SPRED1: variants seen among roughly 807,000 people sequenced by gnomAD.
The protein encoded by SPRED1 is sprouty related EVH1 domain containing 1.
SPRED1 carries 18 observed loss-of-function variants against 52.3 expected under a neutral mutation model. That is an observed-to-expected ratio of 0.34 (90% CI 0.24 to 0.51). The LOEUF (loss-of-function observed/expected upper bound fraction) is 0.51. Ranked by LOEUF, SPRED1 falls within the 20% of genes least tolerant of loss-of-function variation. The probability of loss-of-function intolerance (pLI) is 0.97; values close to 1 mark genes in which losing one functional copy is unlikely to be tolerated. For synonymous variants in SPRED1, 155 were observed against 179.7 expected, an observed-to-expected ratio of 0.86 and a Z score of 1.10; for missense variants, 485 against 551.0, an observed-to-expected ratio of 0.88 and a Z score of 1.20.
At chr15:38,339,714 G>A (rs1895991838) in intron 4 of SPRED1, 23 bp from the exon 5 acceptor site, 1 of 1,611,652 alleles carries the variant, frequency 6.2e-7, no homozygotes, top group African/African-American at 1.3e-5. Flanking sequence ...GGCAACTAAT[G>A]CATTGAGGGT....
At chr15:38,275,072 TG>T (rs1421693151) in intron 1 of SPRED1, among the ~76,000 whole-genome samples, 1 of 152,268 alleles carries the variant, frequency 6.6e-6, no homozygotes, top group African/African-American at 2.4e-5. Flanking sequence ...CATCTGCTGA[TG>T]ATTCTTGCCT....
At chr15:38,267,217 A>G (rs16966584) in intron 1 of SPRED1, among the ~76,000 whole-genome samples, 6,306 of 135,908 alleles carry the variant, frequency 0.046, 445 homozygotes, top group African/African-American at 0.16. Flanking sequence ...TTAGGCGTAT[A>G]TCTAGTTTTT....
intron 1 of SPRED1, among the ~76,000 whole-genome samples, chr15:38,281,568 T>TC (rs1207363779): frequency 2.1e-5 from 3 of 144,916 alleles, no homozygotes; most frequent in East Asian, 4.1e-4. Context: ...AATTTTTTTT[T>TC]TTTTTTTTTT....
chr15:38,297,468 C>T (rs1209364561), intron 1 of SPRED1, among the ~76,000 whole-genome samples: 1 of 152,194 alleles, frequency 6.6e-6, no homozygotes, highest in African/African-American at 2.4e-5. Flanking sequence ...TCAACCCAAC[C>T]TTCATGCACC....
chr15:38,268,149 A>G (rs1314097681), intron 1 of SPRED1: 4 of 152,222 alleles, frequency 2.6e-5, no homozygotes, highest in Non-Finnish European at 5.9e-5. Context: ...CAATGATGTA[A>G]TAACATTTGC....
intron 4 of SPRED1, among the ~76,000 whole-genome samples, chr15:38,331,699 T>G (rs1292313617): frequency 1.3e-5 from 2 of 152,098 alleles, no homozygotes; most frequent in Admixed American, 1.3e-4. Context: ...TGAACATCCC[T>G]AATATAAAAA....
intron 2 of SPRED1, among the ~76,000 whole-genome samples, chr15:38,313,167 T>A (rs1895404078): frequency 6.6e-6 from 1 of 152,068 alleles, no homozygotes; most frequent in African/African-American, 2.4e-5. Context: ...TTTATCATAT[T>A]TAGGAAATTA....
chr15:38,326,926 AT>A (rs1895718372), intron 4 of SPRED1, among the ~76,000 whole-genome samples: 1 of 152,148 alleles, frequency 6.6e-6, no homozygotes, highest in African/African-American at 2.4e-5. Flanking sequence ...AACTTCTAAC[AT>A]TGCCACCTTG....
chr15:38,345,899 C>T (rs1044705406), intron 5 of SPRED1, among the ~76,000 whole-genome samples: 1 of 152,090 alleles, frequency 6.6e-6, no homozygotes, highest in Admixed American at 6.5e-5. Flanking sequence ...AACAAAAGGC[C>T]GATAGTGCAT....
At position 38,346,625 on chromosome 15, in the gene SPRED1, G is replaced by A. The variant is rs1008395332; in HGVS notation, c.583-2797G>A. 2.5e-4 allele frequency among the ~76,000 whole-genome samples: 38 copies of A among 152,108 alleles called. 1 individual carries two copies. Among genetic ancestry groups the A allele is most frequent in the African/African-American group, 4.8e-5 (2 of 41,426 alleles). Reference sequence around the variant, plus strand: ...TAACATTCTCATGCTTTCCTTGATAGTTCTAAAACTTGTTTCTTTTTATTC... The same window carrying A: ...TAACATTCTCATGCTTTCCTTGATAATTCTAAAACTTGTTTCTTTTTATTC... On this transcript the variant is annotated intron_variant, in intron 5 of 6. Transcript: ENST00000299084.
At position 38,353,915 on chromosome 15, in the gene SPRED1, G is replaced by A. The variant is rs1045444732; in HGVS notation, c.*2251G>A. On this transcript the variant is annotated 3_prime_UTR_variant, in exon 7 of 7. Coordinates refer to ENST00000299084, the MANE Select transcript of SPRED1 (RefSeq NM_152594.3). ...ACTGTATTTTATATGCAACATATAT[G>A]CTTTAATATTTTAATGTTTGTGCAT... 2.0e-5 allele frequency: 3 copies of A among 152,520 alleles called. No homozygotes were observed. Among genetic ancestry groups the A allele is most frequent in the Non-Finnish European group, 1.5e-5 (1 of 67,972 alleles). 9.4% of individuals were successfully genotyped at this position (152,520 alleles called of 1,614,324 possible).
chr15:38,283,693 C>A (rs967269072), intron 1 of SPRED1, among the ~76,000 whole-genome samples: 5 of 152,124 alleles, frequency 3.3e-5, no homozygotes, highest in Admixed American at 6.5e-5. Context: ...AGAACTAGAA[C>A]AGCAGGGGTT....
In SPRED1 at chr15:38,349,537, G is replaced by A. The variant is rs761179655; in HGVS notation, c.684+14G>A. The A allele has an allele frequency of 1.9e-6, 3 of 1,546,154 alleles. No individual in the cohort carries two copies. The highest frequency in any genetic ancestry group is 1.8e-6 in the Non-Finnish European group (2 of 1,122,490). Reference sequence around the variant, plus strand: ...TCCCAAAATAGGGTAAGTAATGTTAGTTTATCTTGTGATATGGAATTTAAC... The same window carrying A: ...TCCCAAAATAGGGTAAGTAATGTTAATTTATCTTGTGATATGGAATTTAAC... On this transcript the variant is annotated intron_variant, in intron 6 of 6. Transcript: ENST00000299084.
chr15:38,324,787 C>T lies in SPRED1; in HGVS notation c.401C>T (p.Ala134Val), dbSNP rs762633609. ...SQGCPESKNEAEGADDLQANE... is the reference protein window; with the variant it reads ...SQGCPESKNEVEGADDLQANE... ...GGATGCCCCGAATCAAAAAATGAAG[C>T]TGAAGGGGCAGATGACTTACAAGTA... The change falls in exon 4 of 7, where the codon GCT (alanine) becomes GTT (valine). Residue 134 changes from alanine to valine, a missense_variant. Physicochemically the swap from Ala to Val is moderately conservative, Grantham distance 64 (BLOSUM62 0). Transcript: ENST00000299084. 6.2e-7 allele frequency: 1 copy of T among 1,611,440 alleles called. No homozygotes were observed. Among genetic ancestry groups the T allele is most frequent in the Non-Finnish European group, 8.5e-7 (1 of 1,178,850 alleles).
At chr15:38,276,228 T>A (rs1343702817) in intron 1 of SPRED1, among the ~76,000 whole-genome samples, 9 of 151,308 alleles carry the variant, frequency 5.9e-5, no homozygotes, top group African/African-American at 1.5e-4. Context: ...TTTTTTTTTT[T>A]ACTGTGGCTC....
intron 2 of SPRED1, among the ~76,000 whole-genome samples, chr15:38,302,184 C>T (rs1895160505): frequency 6.6e-6 from 1 of 151,890 alleles, no homozygotes. Flanking sequence ...TATGACCACT[C>T]GTGTGGCTAA....
intron 1 of SPRED1, among the ~76,000 whole-genome samples, chr15:38,269,594 G>T (rs901082430): frequency 3.3e-5 from 5 of 152,000 alleles, no homozygotes; most frequent in South Asian, 2.1e-4. Context: ...TTTTCCAAAT[G>T]TTTGTTACTT....
chr15:38,285,491 G>A (rs1444978114), intron 1 of SPRED1, among the ~76,000 whole-genome samples: 1 of 152,200 alleles, frequency 6.6e-6, no homozygotes, highest in African/African-American at 2.4e-5. Context: ...TATCTGGGAA[G>A]GGGTTTAGGT....
intron 1 of SPRED1, among the ~76,000 whole-genome samples, chr15:38,287,771 G>A (rs1894840295): frequency 6.6e-6 from 1 of 152,186 alleles, no homozygotes; most frequent in Non-Finnish European, 1.5e-5. Flanking sequence ...CTGTATGCAA[G>A]TATTTTGCCA....
Sources: allele counts gnomAD v4.1 joint callset (sites outside exome capture counted in the v4.1 genomes callset), GRCh38; gene constraint gnomAD v4.1.1; transcripts MANE v1.5; gene names NCBI Gene and HGNC (gene_info 2026-07-23, HGNC 2026-07-21).